The following ARHGAP40 variants were observed in gnomAD, a reference collection of about 807,000 sequenced individuals.
The protein encoded by ARHGAP40 is Rho GTPase activating protein 40.
A neutral mutation model predicts 73.5 loss-of-function variants in ARHGAP40; 43 were observed. The observed-to-expected ratio is 0.58, with a 90% CI of 0.46 to 0.75. The LOEUF is 0.75. ARHGAP40 is among the 30% of genes least tolerant of loss of function. The pLI, the probability that ARHGAP40 is intolerant of heterozygous loss-of-function variation, is 0.00. For missense variants in ARHGAP40, 734 were observed against 861.8 expected (o/e 0.85, Z 1.86); for synonymous variants, 300 against 352.8 (o/e 0.85, Z 1.68).
exon 6 of ARHGAP40, chr20:38,634,621 A>T: frequency 7.7e-7 from 1 of 1,305,450 alleles, no homozygotes; most frequent in Middle Eastern, 2.1e-4. Context: ...TATTAATAGA[A>T]GTTTACCGTC....
chr20:38,609,775 G>A (rs6123880), intron 1 of ARHGAP40, among the ~76,000 whole-genome samples: 2,569 of 152,352 alleles, frequency 0.017, 160 homozygotes, highest in East Asian at 0.13. Flanking sequence ...TGGTGCCTCT[G>A]AGAGGTACAC....
chr20:38,601,902 G>A (rs1198171670), exon 1 of ARHGAP40: 8 of 1,286,834 alleles, frequency 6.2e-6, no homozygotes, highest in Non-Finnish European at 8.1e-6. Flanking sequence ...GCCCCACGGC[G>A]GCAGCACCAC....
chr20:38,625,043 C>T (rs908164809), intron 2 of ARHGAP40, among the ~76,000 whole-genome samples: 6 of 152,256 alleles, frequency 3.9e-5, no homozygotes, highest in Admixed American at 3.9e-4. Context: ...TGGAACCCTT[C>T]CTGGTTTGGC....
At chr20:38,633,122 CAA>C (rs55980432) in intron 5 of ARHGAP40, among the ~76,000 whole-genome samples, 51 of 135,472 alleles carry the variant, frequency 3.8e-4, no homozygotes, top group Non-Finnish European at 4.0e-4. Flanking sequence ...GACTCCGTCT[CAA>C]AAAAAAAAAA....
At chr20:38,645,897 A>T (rs2089048896) in intron 11 of ARHGAP40, 150 bp from the exon 12 acceptor site, 4 of 748,220 alleles carry the variant, frequency 5.3e-6, no homozygotes, top group Non-Finnish European at 7.3e-6. Flanking sequence ...CCACCAAACC[A>T]GTGCTTCCGT....
At chr20:38,612,868 G>A (rs2088811975) in intron 1 of ARHGAP40, among the ~76,000 whole-genome samples, 1 of 152,158 alleles carries the variant, frequency 6.6e-6, no homozygotes, top group South Asian at 2.1e-4. Flanking sequence ...ACTCAGGAAG[G>A]GACACACAAA....
intron 9 of ARHGAP40, 114 bp from the exon 10 acceptor site, chr20:38,641,612 G>A (rs915020784): frequency 1.5e-6 from 1 of 664,688 alleles, no homozygotes; most frequent in Non-Finnish European, 2.2e-6. Context: ...TGAAAAAAGG[G>A]ATTCCTGGCT....
intron 1 of ARHGAP40, among the ~76,000 whole-genome samples, chr20:38,603,256 A>T (rs900726975): frequency 5.3e-5 from 8 of 152,198 alleles, no homozygotes; most frequent in Admixed American, 5.2e-4. Context: ...CAGGAAAGGG[A>T]GGGGGAGCTT....
chr20:38,646,337 G>T lies in ARHGAP40; in HGVS notation c.1710+150G>T, dbSNP rs1275708559. 9.3e-6 allele frequency: 9 copies of T among 968,104 alleles called. No individual in the cohort carries two copies. The highest frequency in any genetic ancestry group is 9.2e-6 in the Non-Finnish European group (7 of 760,712). 60.0% of individuals were successfully genotyped at this position (968,104 alleles called of 1,614,324 possible). A position where few individuals can be genotyped will look rare whatever the true frequency, so the allele number is the denominator to read the frequency against. Reference sequence around the variant, plus strand: ...CCAGGGGGCGTTGCGGCGCCGTCACGGGGAGCGAGGAGGCGTGGCTGCGAA... The same window carrying T: ...CCAGGGGGCGTTGCGGCGCCGTCACTGGGAGCGAGGAGGCGTGGCTGCGAA... On this transcript the variant is annotated intron_variant, in intron 12 of 14. Transcript: ENST00000373345. The surrounding 1 kb of genome is among the most constrained non-coding windows in gnomAD (Gnocchi z 4.5).
chr20:38,643,170 C>T (rs1568611870), intron 10 of ARHGAP40, among the ~76,000 whole-genome samples: 1 of 149,814 alleles, frequency 6.7e-6, no homozygotes, highest in Non-Finnish European at 1.5e-5. Context: ...AAAAAACAAA[C>T]AAAAAAAACC....
Position 38,643,700 on chromosome 20 carries a change from C to G in ARHGAP40, c.1363-4C>G. 2 of 1,305,674 alleles carry G rather than the reference C, an allele frequency of 1.5e-6. No homozygotes were observed. Among genetic ancestry groups the G allele is most frequent in the Non-Finnish European group, 1.0e-6 (1 of 988,990 alleles). 80.9% of individuals were successfully genotyped at this position (1,305,674 alleles called of 1,614,324 possible). A position where few individuals can be genotyped will look rare whatever the true frequency, so the allele number is the denominator to read the frequency against. ...TTTGAGGGAGGCTCTGCACCCTTCC[C>G]TAGGCACTGCTGGAATTCCTCAGGA... On this transcript the variant is annotated splice_polypyrimidine_tract_variant and splice_region_variant and intron_variant, in intron 10 of 14. Transcript: ENST00000373345.
chr20:38,612,569 C>T (rs2088810241), intron 1 of ARHGAP40, among the ~76,000 whole-genome samples: 1 of 152,038 alleles, frequency 6.6e-6, no homozygotes, highest in African/African-American at 2.4e-5. Flanking sequence ...AGCCGGGAGG[C>T]TGAGGCAGAA....
intron 5 of ARHGAP40, among the ~76,000 whole-genome samples, chr20:38,632,383 C>G (rs530347034): frequency 1.4e-3 from 215 of 151,982 alleles, no homozygotes; most frequent in African/African-American, 5.0e-3. Context: ...CTGCCTCAGC[C>G]CCCGAGTAGC....
At chr20:38,621,608 A>C (rs2088874092) in intron 1 of ARHGAP40, among the ~76,000 whole-genome samples, 1 of 152,230 alleles carries the variant, frequency 6.6e-6, no homozygotes, top group African/African-American at 2.4e-5. Context: ...CCTGGGGAGA[A>C]ACATGAGATG....
At chr20:38,645,472 CGT>C (rs2089045642) in intron 11 of ARHGAP40, among the ~76,000 whole-genome samples, 1 of 152,204 alleles carries the variant, frequency 6.6e-6, no homozygotes, top group Non-Finnish European at 1.5e-5. Context: ...CGCTCTTCCC[CGT>C]GTGTGTCACC....
At chr20:38,638,965 G>T (rs988298402) in intron 8 of ARHGAP40, 127 bp downstream of exon 8, 1 of 946,226 alleles carries the variant, frequency 1.1e-6, no homozygotes, top group African/African-American at 1.7e-5. Context: ...GTGGGTCGAG[G>T]GTTTGAGAGG....
At chr20:38,614,547 C>T (rs1221000356) in intron 1 of ARHGAP40, among the ~76,000 whole-genome samples, 1 of 152,124 alleles carries the variant, frequency 6.6e-6, no homozygotes, top group Admixed American at 6.5e-5. Flanking sequence ...CATGGCCACT[C>T]CTGCTATATC....
At chr20:38,608,302 C>T (rs1397835288) in intron 1 of ARHGAP40, among the ~76,000 whole-genome samples, 1 of 152,136 alleles carries the variant, frequency 6.6e-6, no homozygotes, top group Non-Finnish European at 1.5e-5. Context: ...CAGACATTCA[C>T]TGACTTGTTT....
At chr20:38,649,064 A>C (rs2037406806) in intron 14 of ARHGAP40, among the ~76,000 whole-genome samples, 2 of 152,346 alleles carry the variant, frequency 1.3e-5, no homozygotes, top group South Asian at 4.1e-4. Flanking sequence ...TCCTTAAGGA[A>C]TTCTGCAAAC....
Sources: gnomAD v4.1 joint callset for allele counts (sites outside exome capture counted in the v4.1 genomes callset) on GRCh38, gnomAD v4.1.1 for gene constraint, Gnocchi (gnomAD v3.1) non-coding constraint, MANE v1.5 for transcripts, NCBI Gene and HGNC (gene_info 2026-07-23, HGNC 2026-07-21) for gene names.